COL9A2: variants seen among roughly 807,000 people sequenced by gnomAD.
COL9A2 encodes collagen alpha-2(IX) chain.
Under a neutral mutation model 111.6 loss-of-function variants are expected in COL9A2, and 66 were observed. The observed-to-expected ratio is 0.59, with a 90% CI of 0.48 to 0.73. The LOEUF is 0.73. Among genes scored for constraint, COL9A2 ranks in the 30% least tolerant of loss-of-function variants. The pLI is 0.00. For synonymous variants in COL9A2, 353 were observed against 364.1 expected (o/e 0.97, Z 0.35); for missense variants, 881 against 954.1 (o/e 0.92, Z 1.01).
chr1:40,307,749 GGGGGGCCCTAC>G lies in COL9A2; in HGVS notation c.901-4_907del. On this transcript the variant is annotated splice_acceptor_variant and splice_polypyrimidine_tract_variant and coding_sequence_variant and intron_variant, in exon 18 of 32. Transcript: ENST00000372748. LOFTEE classifies it high-confidence loss of function. The surrounding 1 kb of genome is among the most constrained non-coding windows in gnomAD (Gnocchi z 4.8). ...GGTCCCATCCTTGCCGTTGATGCCT[GGGGGGCCCTAC>G]CCAGGAGGAAAGTTCAAGGGAGAGT... 6.2e-7 allele frequency: 1 copy of G among 1,614,020 alleles called. No homozygotes were observed.
In COL9A2 at chr1:40,310,818, T is replaced by C. The variant is rs767864326; in HGVS notation, c.631-51A>G. 2 of 1,457,130 alleles carry C rather than the reference T, an allele frequency of 1.4e-6. No individual in the cohort carries two copies. The highest frequency in any genetic ancestry group is 1.9e-6 in the Non-Finnish European group (2 of 1,061,636). 90.3% of individuals were successfully genotyped at this position (1,457,130 alleles called of 1,614,324 possible). A position where few individuals can be genotyped will look rare whatever the true frequency, so the allele number is the denominator to read the frequency against. On this transcript the variant is annotated intron_variant, in intron 12 of 31. Coordinates refer to ENST00000372748, the MANE Select transcript of COL9A2 (RefSeq NM_001852.4). The surrounding 1 kb of genome is among the most constrained non-coding windows in gnomAD (Gnocchi z 4.9). The stretch of plus-strand genomic sequence containing the variant: ...ACAGGCAGGCAGATGGAAAGACACA[T>C]ATACAGACAAGCAAAGATACCACCT...
chr1:40,311,143 G>A lies in COL9A2; in HGVS notation c.580C>T (p.His194Tyr), dbSNP rs1259600076. 8 of 1,614,200 alleles carry A rather than the reference G, an allele frequency of 5.0e-6. No individual in the cohort carries two copies. Among genetic ancestry groups the A allele is most frequent in the Admixed American group, 3.3e-5 (2 of 60,028 alleles). ...CCCAGAATCCCGCGTTTGCCCGCAT[G>A]CCCCTGAAGGGAAGGAGAGAGCTCA... ...GPPGLQGVKGHAGKRGILGDP... is the reference protein window; with the variant it reads ...GPPGLQGVKGYAGKRGILGDP... Residue 194 changes from histidine (H) to tyrosine (Y), a missense_variant, in exon 12 of 32, where the codon CAT becomes TAT. By Grantham distance (83) the His-to-Tyr change is moderately conservative. Coordinates refer to ENST00000372748, the MANE Select transcript of COL9A2 (RefSeq NM_001852.4). The surrounding 1 kb of genome is among the most constrained non-coding windows in gnomAD (Gnocchi z 5.1).
In COL9A2 at chr1:40,305,815, C is replaced by T. The variant is rs140859262; in HGVS notation, c.1054-47G>A. 625 of 1,581,102 alleles carry T rather than the reference C, an allele frequency of 4.0e-4. 5 individuals carry two copies. The African/African-American group carries it at 7.2e-3, about 18-fold the overall frequency. The stretch of plus-strand genomic sequence containing the variant: ...GTCAGTCTGGGTGGCCCAGTCAGGC[C>T]CTTGGCCTCAGGGAAACCCAACGAA... On this transcript the variant is annotated intron_variant, in intron 20 of 31. Transcript: ENST00000372748.
At position 40,314,258 on chromosome 1, in the gene COL9A2, C is replaced by T; in HGVS notation, c.196G>A (p.Gly66Ser). The change falls in exon 4 of 32, where the codon GGC (glycine) becomes AGC (serine). Residue 66 changes from glycine to serine, a missense_variant. Gly to Ser is a moderately conservative substitution (Grantham distance 56). Coordinates refer to ENST00000372748, the MANE Select transcript of COL9A2 (RefSeq NM_001852.4). This position sits in a 1 kb window ranked among gnomAD's most constrained non-coding sequence, Gnocchi z 4.1. ...PGKAGPPGPK[G>S]EPGKAGPDGP... The stretch of plus-strand genomic sequence containing the variant: ...TCTGGCCCAGCTTTGCCAGGCTCGC[C>T]CTTGGGTCCCTTGAAAACAGAGATG... The T allele has an allele frequency of 6.2e-7, 1 of 1,614,224 alleles. No homozygotes were observed. The highest frequency in any genetic ancestry group is 8.5e-7 in the Non-Finnish European group (1 of 1,180,040).
In COL9A2 at chr1:40,301,084, G is replaced by T. The variant is rs1643907448; in HGVS notation, c.*98C>A. 4.7e-6 allele frequency: 6 copies of T among 1,281,042 alleles called. No individual in the cohort carries two copies. The Admixed American group carries it at 1.1e-4, about 24-fold the overall frequency. 79.4% of individuals were successfully genotyped at this position (1,281,042 alleles called of 1,614,324 possible). A position where few individuals can be genotyped will look rare whatever the true frequency, so the allele number is the denominator to read the frequency against. ...GAGTCCCAGACAGAAGGTCCTGGGGGAGATGGTTTCCTGGACTGGGGATGG... is the reference window on the plus strand; with the variant it reads ...GAGTCCCAGACAGAAGGTCCTGGGGTAGATGGTTTCCTGGACTGGGGATGG... On this transcript the variant is annotated 3_prime_UTR_variant, in exon 32 of 32. Coordinates refer to ENST00000372748, the MANE Select transcript of COL9A2 (RefSeq NM_001852.4).
At position 40,303,949 on chromosome 1, in the gene COL9A2, G is replaced by A; in HGVS notation, c.1347C>T (p.Leu449=). The part of the protein sequence containing the change: ...GKVGDPGVAG[L]PGEKGEKGES... ...TCACCTTCTCGCCTTTCTCTCCGGGGAGGCCGGCCACCCCTGGGTCACCCT... is the reference window on the plus strand; with the variant it reads ...TCACCTTCTCGCCTTTCTCTCCGGGAAGGCCGGCCACCCCTGGGTCACCCT... The change falls in exon 26 of 32, where the codon CTC becomes CTT. Residue 449 remains leucine (L), a synonymous_variant. Transcript: ENST00000372748. This position sits in a 1 kb window ranked among gnomAD's most constrained non-coding sequence, Gnocchi z 4.6. The A allele has an allele frequency of 6.4e-7, 1 of 1,561,010 alleles. No individual in the cohort carries two copies. The highest frequency in any genetic ancestry group is 8.7e-7 in the Non-Finnish European group (1 of 1,152,092).
rs1294552772 is a variant in COL9A2 at position 40,311,402 on chromosome 1, C to T, written c.519+98G>A. Reference sequence around the variant, plus strand: ...GTGGAACCCCTGCACTGCAGCCCCTCCCCATCTCTCCAGACACCCCCATCT... The same window carrying T: ...GTGGAACCCCTGCACTGCAGCCCCTTCCCATCTCTCCAGACACCCCCATCT... On this transcript the variant is annotated intron_variant, in intron 10 of 31. Coordinates refer to ENST00000372748, the MANE Select transcript of COL9A2 (RefSeq NM_001852.4). The surrounding 1 kb of genome is among the most constrained non-coding windows in gnomAD (Gnocchi z 5.1). 3 of 1,578,012 alleles carry T rather than the reference C, an allele frequency of 1.9e-6. No individual in the cohort carries two copies. Among genetic ancestry groups the T allele is most frequent in the South Asian group, 1.1e-5 (1 of 89,142 alleles).
At chr1:40,309,866 C>G in intron 16 of COL9A2, 72 bp downstream of exon 16, 1 of 1,489,566 alleles carries the variant, frequency 6.7e-7, no homozygotes, top group South Asian at 1.1e-5. Context: ...CACACACAGC[C>G]TTAGGGGGTG....
intron 19 of COL9A2, among the ~76,000 whole-genome samples, chr1:40,306,784 C>T (rs1644036866): frequency 6.6e-6 from 1 of 151,858 alleles, no homozygotes. Flanking sequence ...ACAAAGATTG[C>T]ATCTGTCCTA....
Position 40,302,516 on chromosome 1 carries a change from C to G in COL9A2, c.1792+105G>C, listed in dbSNP as rs1221162794. 1.5e-6 allele frequency: 2 copies of G among 1,304,034 alleles called. No homozygotes were observed. Among genetic ancestry groups the G allele is most frequent in the Admixed American group, 2.0e-5 (1 of 50,272 alleles). The allele number at this position is 1,304,034 out of a possible 1,614,324, so 80.8% of individuals were successfully genotyped here. A position where few individuals can be genotyped will look rare whatever the true frequency, so the allele number is the denominator to read the frequency against. ...TCTCCTGGACCATGTGGCTGAGGAA[C>G]CGGGGAAGGGTCTGTATGTCATCCT... On this transcript the variant is annotated intron_variant, in intron 30 of 31. Transcript: ENST00000372748. The surrounding 1 kb of genome is among the most constrained non-coding windows in gnomAD (Gnocchi z 4.5).
rs1403261247 is a variant in COL9A2 at position 40,316,742 on chromosome 1, G to C, written c.75+381C>G. 2.7e-6 allele frequency: 1 copy of C among 365,144 alleles called. No individual in the cohort carries two copies. Among genetic ancestry groups the C allele is most frequent in the Non-Finnish European group, 5.1e-6 (1 of 196,086 alleles). The allele number at this position is 365,144 out of a possible 1,614,324, so 22.6% of individuals were successfully genotyped here. A position where few individuals can be genotyped will look rare whatever the true frequency, so the allele number is the denominator to read the frequency against. On this transcript the variant is annotated intron_variant, in intron 1 of 31. Coordinates refer to ENST00000372748, the MANE Select transcript of COL9A2 (RefSeq NM_001852.4). The surrounding 1 kb of genome is among the most constrained non-coding windows in gnomAD (Gnocchi z 5.5). The stretch of plus-strand genomic sequence containing the variant: ...CCGCCTCGGGGCGACAGCGGCGTCT[G>C]GTTGGAGCCGGCGCCCCCTGGGAGG...
chr1:40,301,574 A>T (rs1165563323), intron 31 of COL9A2, among the ~76,000 whole-genome samples, 193 bp from the exon 32 acceptor site: 1 of 152,080 alleles, frequency 6.6e-6, no homozygotes, highest in Non-Finnish European at 1.5e-5. Context: ...GGGAGCAAAC[A>T]TCCCTTCCAT....
rs778486463 is a variant in COL9A2, at chr1:40,314,338, G to A, written c.186+14C>T. 1.1e-5 allele frequency: 17 copies of A among 1,614,208 alleles called. No homozygotes were observed. Among genetic ancestry groups the A allele is most frequent in the Non-Finnish European group, 1.4e-5 (16 of 1,180,042 alleles). ...GCAGGAAGGGTCAAAGGCCAAAGAG[G>A]ATAAAGCACTCACCGGAGGGCCAGC... On this transcript the variant is annotated intron_variant, in intron 3 of 31. Coordinates refer to ENST00000372748, the MANE Select transcript of COL9A2 (RefSeq NM_001852.4). This position sits in a 1 kb window ranked among gnomAD's most constrained non-coding sequence, Gnocchi z 4.1.
rs2124056742 is a variant in COL9A2 at position 40,304,809 on chromosome 1, G to A, written c.1146C>T (p.Gly382=). 1.3e-6 allele frequency: 2 copies of A among 1,550,910 alleles called. No individual in the cohort carries two copies. Among genetic ancestry groups the A allele is most frequent in the Non-Finnish European group, 1.7e-6 (2 of 1,146,912 alleles). ...PGPRGEIGPQ[G]IMGQKGDQGE... is the part of the protein sequence containing the mutation. ...AGGCACTTACCTTCTGTCCCATGAT[G>A]CCCTGGGGACCAATTTCTCCTCGAG... Residue 382 remains glycine (G), a synonymous_variant, in exon 22 of 32, where the codon GGC becomes GGT. Coordinates refer to ENST00000372748, the MANE Select transcript of COL9A2 (RefSeq NM_001852.4).
chr1:40,313,606 G>T (rs1472993026), intron 4 of COL9A2, among the ~76,000 whole-genome samples: 1 of 152,196 alleles, frequency 6.6e-6, no homozygotes, highest in East Asian at 1.9e-4. Context: ...CCTGGTGACT[G>T]TCCCAGCCCT....
rs1643994545 is a variant in COL9A2, at chr1:40,304,631, C to G, written c.1162-102G>C. Reference sequence around the variant, plus strand: ...ATGGTCAGGGTGCCCTCCATTCCTGCTGTCACTGGCAGGGGGTCCTTTCTC... The same window carrying G: ...ATGGTCAGGGTGCCCTCCATTCCTGGTGTCACTGGCAGGGGGTCCTTTCTC... On this transcript the variant is annotated intron_variant, in intron 22 of 31. Transcript: ENST00000372748. The G allele has an allele frequency of 9.6e-6, 14 of 1,455,766 alleles. No homozygotes were observed. The South Asian group carries it at 1.7e-4, about 17-fold the overall frequency. 90.2% of individuals were successfully genotyped at this position (1,455,766 alleles called of 1,614,324 possible).
rs371107487 is a variant in COL9A2, at chr1:40,314,465, C to T, written c.151-78G>A. On this transcript the variant is annotated intron_variant, in intron 2 of 31. Transcript: ENST00000372748. The surrounding 1 kb of genome is among the most constrained non-coding windows in gnomAD (Gnocchi z 4.1). Reference sequence around the variant, plus strand: ...TGGGCACACACAGGCCCTGGCAGGCCGCTCCCAAAGGCTCTCCTCACTCTC... The same window carrying T: ...TGGGCACACACAGGCCCTGGCAGGCTGCTCCCAAAGGCTCTCCTCACTCTC... The T allele has an allele frequency of 7.3e-4, 1,154 of 1,573,168 alleles. 1 individual carries two copies. The highest frequency in any genetic ancestry group is 8.9e-4 in the Non-Finnish European group (1,014 of 1,143,042).
At chr1:40,301,965 C>T (rs569248644) in intron 30 of COL9A2, 76 bp from the exon 31 acceptor site, 1 of 1,410,114 alleles carries the variant, frequency 7.1e-7, no homozygotes, top group South Asian at 1.2e-5. Context: ...ATGTTTCACG[C>T]AAAGAAATTA....
chr1:40,309,001 T>C (rs1644073599), intron 16 of COL9A2, among the ~76,000 whole-genome samples: 1 of 152,180 alleles, frequency 6.6e-6, no homozygotes. Flanking sequence ...ATCCCAGCAC[T>C]TTGGGAGGCC....
Sources: allele counts gnomAD v4.1 joint callset (sites outside exome capture counted in the v4.1 genomes callset), GRCh38; gene constraint gnomAD v4.1.1; non-coding constraint Gnocchi (gnomAD v3.1); transcripts MANE v1.5; gene names NCBI Gene and HGNC (gene_info 2026-07-23, HGNC 2026-07-21).